FBXL13: variants seen among roughly 807,000 people sequenced by gnomAD.
FBXL13 encodes the protein F-box and leucine rich repeat protein 13.
In FBXL13, 67 loss-of-function variants were observed where a neutral mutation model predicts 83.6. The observed-to-expected ratio is 0.80, with a 90% CI of 0.66 to 0.98. The LOEUF (loss-of-function observed/expected upper bound fraction) is 0.98, where lower values mean the gene tolerates loss of function less well. Among genes scored for constraint, FBXL13 ranks in the 50% least tolerant of loss-of-function variants. The pLI, the probability that FBXL13 is intolerant of heterozygous loss-of-function variation, is 0.00. For missense variants in FBXL13, 822 were observed against 866.5 expected (o/e 0.95, Z 0.64); for synonymous variants, 272 against 299.5 (o/e 0.91, Z 0.95).
intron 8 of FBXL13, among the ~76,000 whole-genome samples, chr7:102,959,871 G>C (rs1202906144): frequency 6.6e-6 from 1 of 152,032 alleles, no homozygotes; most frequent in Non-Finnish European, 1.5e-5. Context: ...TAATTTTACA[G>C]TATGTAAAAA....
intron 19 of FBXL13, among the ~76,000 whole-genome samples, chr7:102,817,607 C>A (rs1002240966): frequency 1.3e-5 from 2 of 151,990 alleles, no homozygotes; most frequent in Non-Finnish European, 2.9e-5. Context: ...TATTTTGAAT[C>A]GTATCAGGAA....
intron 8 of FBXL13, among the ~76,000 whole-genome samples, chr7:102,941,094 T>A (rs1480997376): frequency 2.6e-5 from 4 of 152,214 alleles, no homozygotes; most frequent in African/African-American, 9.6e-5. Context: ...CATAATTTTT[T>A]AAAATTTCCC....
chr7:102,858,599 C>T (rs542032577), intron 16 of FBXL13, among the ~76,000 whole-genome samples: 1 of 152,224 alleles, frequency 6.6e-6, no homozygotes, highest in African/African-American at 2.4e-5. Context: ...AACCCAAATG[C>T]CTATCAGTTG....
chr7:102,974,320 G>T (rs1279937271), intron 6 of FBXL13, among the ~76,000 whole-genome samples: 1 of 152,104 alleles, frequency 6.6e-6, no homozygotes, highest in Non-Finnish European at 1.5e-5. Context: ...AACCCGGGAG[G>T]CAGAGCTTGC....
chr7:102,842,547 G>A (rs1029075930), intron 17 of FBXL13, among the ~76,000 whole-genome samples: 2 of 152,238 alleles, frequency 1.3e-5, no homozygotes, highest in African/African-American at 4.8e-5. Flanking sequence ...AGAAAGTTTA[G>A]TGATTCAAAC....
intron 6 of FBXL13, among the ~76,000 whole-genome samples, chr7:103,010,311 C>A (rs1280652256): frequency 1.3e-5 from 2 of 152,196 alleles, no homozygotes; most frequent in East Asian, 3.9e-4. Flanking sequence ...CAGGAAATAC[C>A]CAGATGGCAG....
At chr7:102,876,231 G>A (rs1054834372) in intron 16 of FBXL13, among the ~76,000 whole-genome samples, 5 of 152,184 alleles carry the variant, frequency 3.3e-5, no homozygotes, top group Admixed American at 2.6e-4. Flanking sequence ...AGGGGCCTTG[G>A]AGTTGGAACA....
At chr7:102,827,109 T>C (rs930178852) in intron 18 of FBXL13, 23 of 453,876 alleles carry the variant, frequency 5.1e-5, no homozygotes, top group Non-Finnish European at 9.3e-5. Context: ...GCAGAAGTCA[T>C]ATTCTTCTGA....
downstream of FBXL13, chr7:102,813,221 A>C: frequency 1.2e-6 from 1 of 834,314 alleles, no homozygotes; most frequent in Non-Finnish European, 1.9e-6. Context: ...AATAAGAATC[A>C]GAAGATGGTT....
chr7:102,931,772 T>C, intron 9 of FBXL13, 109 bp downstream of exon 10: 2 of 1,021,824 alleles, frequency 2.0e-6, no homozygotes, highest in Non-Finnish European at 2.9e-6. Context: ...TTTGCTCTTT[T>C]CCACATTGAA....
chr7:102,879,439 A>ATGTGTGTGTGTGTGTGTGTGTG (rs139051886), intron 14 of FBXL13, among the ~76,000 whole-genome samples: 30 of 144,806 alleles, frequency 2.1e-4, no homozygotes, highest in African/African-American at 7.0e-4. Context: ...GCAGTTAAGG[A>ATGTGTGTGTGTGTGTGTGTGTG]TGTGTGTGTG....
chr7:102,826,583 A>G (rs1799655011), intron 18 of FBXL13, among the ~76,000 whole-genome samples: 1 of 150,782 alleles, frequency 6.6e-6, no homozygotes. Context: ...AAAAAATACA[A>G]AAATTAGCTG....
At chr7:102,884,273 T>C (rs769711866) in exon 12 of FBXL13, 7 of 1,613,804 alleles carry the variant, frequency 4.3e-6, no homozygotes, top group Non-Finnish European at 5.9e-6. Context: ...ATAATTCCAG[T>C]GCAGCTGTTT....
intron 6 of FBXL13, among the ~76,000 whole-genome samples, chr7:102,977,271 G>A (rs1288999977): frequency 1.3e-5 from 2 of 152,118 alleles, no homozygotes; most frequent in African/African-American, 4.8e-5. Context: ...AACCGCCTCC[G>A]TCCTGGAAAT....
intron 2 of FBXL13, among the ~76,000 whole-genome samples, chr7:103,046,319 A>G (rs933144102): frequency 1.3e-5 from 2 of 152,252 alleles, no homozygotes; most frequent in African/African-American, 4.8e-5. Context: ...TTGTGTAACA[A>G]TAGGCTTTAC....
chr7:102,958,221 T>C (rs768382091), intron 8 of FBXL13, among the ~76,000 whole-genome samples: 17 of 152,074 alleles, frequency 1.1e-4, no homozygotes, highest in Middle Eastern at 3.4e-3. Flanking sequence ...AAAGGATGAG[T>C]GCATGTCCTT....
At chr7:102,945,710 C>T (rs1463406642) in intron 8 of FBXL13, among the ~76,000 whole-genome samples, 1 of 152,148 alleles carries the variant, frequency 6.6e-6, no homozygotes, top group Admixed American at 6.5e-5. Flanking sequence ...TTCGCATGTC[C>T]TTAGTGAGAT....
downstream of FBXL13, among the ~76,000 whole-genome samples, chr7:102,812,141 G>C (rs1797469646): frequency 6.6e-6 from 1 of 152,156 alleles, no homozygotes; most frequent in Non-Finnish European, 1.5e-5. Flanking sequence ...CTTGTTTGCG[G>C]CAGTCAGAAC....
exon 14 of FBXL13, chr7:102,883,331 A>C (rs1810366241): frequency 6.2e-7 from 1 of 1,612,854 alleles, no homozygotes; most frequent in East Asian, 2.2e-5. Flanking sequence ...AATTCAACAC[A>C]GTCAGTTGCT....
Sources: gnomAD v4.1 joint callset for allele counts (sites outside exome capture counted in the v4.1 genomes callset) on GRCh38, gnomAD v4.1.1 for gene constraint, MANE v1.5 for transcripts, NCBI Gene and HGNC (gene_info 2026-07-23, HGNC 2026-07-21) for gene names.